Variants in CYB5R4 observed in about 807,000 individuals in gnomAD.
CYB5R4 encodes N-terminal cytochrome b5 and cytochrome b5 oxidoreductase domain-containing protein.
CYB5R4 carries 55 observed loss-of-function variants against 70.2 expected under a neutral mutation model. The ratio of observed to expected loss-of-function variants is 0.78; its 90% confidence interval spans 0.63 to 0.98. CYB5R4 has a LOEUF of 0.98. Among genes scored for constraint, CYB5R4 ranks in the 50% least tolerant of loss-of-function variants. The pLI, the probability that CYB5R4 is intolerant of heterozygous loss-of-function variation, is 0.00. For synonymous variants in CYB5R4, 197 were observed against 199.5 expected (o/e 0.99, Z 0.11); for missense variants, 562 against 612.6 (o/e 0.92, Z 0.87).
rs1304360251 is a variant in CYB5R4, at chr6:83,936,359, T to C, written c.1091T>C (p.Leu364Pro). The C allele has an allele frequency of 6.2e-7, 1 of 1,611,292 alleles. No homozygotes were observed. Among genetic ancestry groups the C allele is most frequent in the Non-Finnish European group, 8.5e-7 (1 of 1,179,258 alleles). The change falls in exon 12 of 16, where the codon CTT becomes CCT. Residue 364 changes from leucine to proline, a missense_variant. Coordinates refer to ENST00000369681, the MANE Select transcript of CYB5R4 (RefSeq NM_016230.4). ...CCCACTGGACTCTTCACACCAGAGC[T>C]TGATCGTCTTCAGATTGGTTAGTAT... ...IYPTGLFTPE[L>P]DRLQIGDFVS...
chr6:83,868,008 C>A (rs6911469), intron 2 of CYB5R4, among the ~76,000 whole-genome samples: 2,173 of 152,246 alleles, frequency 0.014, 44 homozygotes, highest in African/African-American at 0.05. Flanking sequence ...CATGACTAAA[C>A]AAAATTACCT....
At chr6:83,912,102 C>T (rs888741160) in intron 4 of CYB5R4, among the ~76,000 whole-genome samples, 4 of 149,512 alleles carry the variant, frequency 2.7e-5, no homozygotes, top group African/African-American at 9.8e-5. Flanking sequence ...TTTTTAATTC[C>T]GTTTATGGTA....
intron 10 of CYB5R4, chr6:83,926,241 A>G (rs1266651324): frequency 2.0e-5 from 3 of 152,226 alleles, no homozygotes; most frequent in African/African-American, 4.8e-5. Flanking sequence ...TCCAATGCCA[A>G]GAGTCCCTAG....
intron 2 of CYB5R4, among the ~76,000 whole-genome samples, chr6:83,891,914 A>G (rs764318614): frequency 3.3e-5 from 5 of 152,120 alleles, no homozygotes; most frequent in African/African-American, 7.2e-5. Flanking sequence ...TGGGTTGTAG[A>G]TTTCTTGTTC....
chr6:83,945,254 A>G (rs1399752777), intron 14 of CYB5R4, among the ~76,000 whole-genome samples: 1 of 152,248 alleles, frequency 6.6e-6, no homozygotes, highest in African/African-American at 2.4e-5. Flanking sequence ...ATTAGAACTC[A>G]GGATTAAGAA....
chr6:83,891,801 A>G (rs187759626), intron 2 of CYB5R4, among the ~76,000 whole-genome samples: 3 of 152,318 alleles, frequency 2.0e-5, no homozygotes, highest in East Asian at 1.9e-4. Context: ...AGCAGAGAAC[A>G]TGTATGGAAT....
chr6:83,898,614 T>C (rs1033429941), intron 3 of CYB5R4, among the ~76,000 whole-genome samples: 1 of 152,244 alleles, frequency 6.6e-6, no homozygotes, highest in Non-Finnish European at 1.5e-5. Flanking sequence ...TGTTCTTCCA[T>C]TTGTTTGTAT....
chr6:83,929,495 C>T (rs917779920), intron 10 of CYB5R4: 5 of 152,052 alleles, frequency 3.3e-5, no homozygotes, highest in Non-Finnish European at 4.4e-5. Context: ...TTTTACCTTC[C>T]ATCCAAATGT....
rs143777965 is a variant in CYB5R4 at position 83,872,200 on chromosome 6, G to A, written c.229+7872G>A. Among the ~76,000 whole-genome samples, 16 of 152,278 alleles carry A rather than the reference G, an allele frequency of 1.1e-4. No individual in the cohort carries two copies. The East Asian group carries it at 3.1e-3, about 29-fold the overall frequency. On this transcript the variant is annotated intron_variant, in intron 2 of 15. Coordinates refer to ENST00000369681, the MANE Select transcript of CYB5R4 (RefSeq NM_016230.4). ...CCATTATCTTTTTGCACATTCAGAT[G>A]TATTACCCAGTCACATAATTCTCAG...
chr6:83,910,783 G>C (rs2099464552), intron 4 of CYB5R4, among the ~76,000 whole-genome samples: 1 of 152,076 alleles, frequency 6.6e-6, no homozygotes, highest in Non-Finnish European at 1.5e-5. Flanking sequence ...AGCCAACTTG[G>C]GGAGAAAATA....
rs765078744 is a variant in CYB5R4, at chr6:83,864,396, C to T, written c.229+68C>T. ...CTTTCCAATTATGATGTTACATAAC[C>T]TCACAGTCATGTTATTTTAAACAAT... is the stretch of plus-strand genomic sequence containing the variant. On this transcript the variant is annotated intron_variant, in intron 2 of 15. Coordinates refer to ENST00000369681, the MANE Select transcript of CYB5R4 (RefSeq NM_016230.4). The T allele has an allele frequency of 2.8e-4, 371 of 1,342,848 alleles. No homozygotes were observed. In the Middle Eastern group the frequency reaches 5.9e-3, roughly 21 times the overall value. 83.2% of individuals were successfully genotyped at this position (1,342,848 alleles called of 1,614,324 possible). A position where few individuals can be genotyped will look rare whatever the true frequency, so the allele number is the denominator to read the frequency against.
chr6:83,932,818 C>T (rs975693485), intron 10 of CYB5R4, among the ~76,000 whole-genome samples: 1 of 152,148 alleles, frequency 6.6e-6, no homozygotes, highest in Admixed American at 6.5e-5. Flanking sequence ...TACTCATTGT[C>T]AGACAGAGCC....
At chr6:83,893,456 T>C (rs1437481391) in intron 2 of CYB5R4, 66 bp from the exon 3 acceptor site, 14 of 901,970 alleles carry the variant, frequency 1.6e-5, no homozygotes, top group East Asian at 2.5e-5. Flanking sequence ...TTGAAACTTA[T>C]ATTTATAAGT....
At chr6:83,926,621 C>A (rs2099467325) in intron 10 of CYB5R4, among the ~76,000 whole-genome samples, 1 of 152,146 alleles carries the variant, frequency 6.6e-6, no homozygotes, top group South Asian at 2.1e-4. Context: ...CAAATGTCGT[C>A]ACATTCTGAA....
At chr6:83,934,809 GA>G in intron 11 of CYB5R4, 74 bp downstream of exon 11, 1 of 1,301,610 alleles carries the variant, frequency 7.7e-7, no homozygotes, top group Non-Finnish European at 1.1e-6. Context: ...ATTCTCTCTA[GA>G]AAACAACCAT....
intron 14 of CYB5R4, among the ~76,000 whole-genome samples, chr6:83,944,972 A>G (rs1454153652): frequency 6.6e-6 from 1 of 152,190 alleles, no homozygotes; most frequent in Admixed American, 6.5e-5. Flanking sequence ...ACACAATAAT[A>G]GTGGGAGACT....
At chr6:83,925,390 A>G (rs1199603874) in intron 10 of CYB5R4, among the ~76,000 whole-genome samples, 1 of 152,178 alleles carries the variant, frequency 6.6e-6, no homozygotes, top group East Asian at 1.9e-4. Flanking sequence ...GGGGATTACA[A>G]TTCAACCTAA....
intron 2 of CYB5R4, among the ~76,000 whole-genome samples, chr6:83,877,667 C>T (rs1300367181): frequency 6.6e-6 from 1 of 152,142 alleles, no homozygotes; most frequent in Non-Finnish European, 1.5e-5. Context: ...GAGAGATCTA[C>T]CCCGATGAAC....
At chr6:83,954,502 T>C (rs150356666) in intron 14 of CYB5R4, among the ~76,000 whole-genome samples, 2 of 151,834 alleles carry the variant, frequency 1.3e-5, no homozygotes, top group African/African-American at 4.8e-5. Flanking sequence ...ACAATGAACA[T>C]AGTACACACT....
Sources: allele counts gnomAD v4.1 joint callset (sites outside exome capture counted in the v4.1 genomes callset), GRCh38; gene constraint gnomAD v4.1.1; transcripts MANE v1.5; gene names NCBI Gene and HGNC (gene_info 2026-07-23, HGNC 2026-07-21).